The following AGAP1 variants were observed in gnomAD, a reference collection of about 807,000 sequenced individuals.
The protein encoded by AGAP1 is arf-GAP with GTPase, ANK repeat and PH domain-containing protein 1.
Under a neutral mutation model 105.3 loss-of-function variants are expected in AGAP1, and 29 were observed. The observed-to-expected ratio is 0.28, with a 90% CI of 0.21 to 0.38. The LOEUF (loss-of-function observed/expected upper bound fraction) is 0.38, where lower values mean the gene tolerates loss of function less well. Ranked by LOEUF, AGAP1 falls within the 10% of genes least tolerant of loss-of-function variation. The probability of loss-of-function intolerance (pLI) is 1.00; values close to 1 mark genes in which losing one functional copy is unlikely to be tolerated. For missense variants in AGAP1, 998 were observed against 1,165.1 expected (o/e 0.86, Z 2.09); for synonymous variants, 509 against 485.9 (o/e 1.05, Z -0.63).
At chr2:235,710,286 C>G (rs1227932972) in intron 2 of AGAP1, among the ~76,000 whole-genome samples, 1 of 152,206 alleles carries the variant, frequency 6.6e-6, no homozygotes. Flanking sequence ...GATAGAGCAA[C>G]AAAGAACTTC....
chr2:235,860,819 G>A (rs2048898200), intron 9 of AGAP1, among the ~76,000 whole-genome samples: 1 of 152,170 alleles, frequency 6.6e-6, no homozygotes, highest in African/African-American at 2.4e-5. Context: ...CAATTAGCAT[G>A]TATAAAAATA....
intron 1 of AGAP1, among the ~76,000 whole-genome samples, chr2:235,652,614 G>A (rs937260751): frequency 7.2e-5 from 11 of 152,244 alleles, no homozygotes; most frequent in Middle Eastern, 3.4e-3. Context: ...ATCCTAGGCC[G>A]GGTGCGGTGG....
intron 13 of AGAP1, among the ~76,000 whole-genome samples, chr2:235,999,580 ATGGTGGTGATGATGGTGAGAGGTGGTGG>A (rs1452082443): frequency 1.4e-5 from 2 of 143,500 alleles, no homozygotes; most frequent in African/African-American, 5.3e-5. Flanking sequence ...CCAATATGAT[ATGGTGGTGATGATGGTGAGAGGTGGTGG>A]TGGTGGTGAT....
At chr2:235,980,973 A>AT (rs753918254) in intron 13 of AGAP1, among the ~76,000 whole-genome samples, 3 of 152,136 alleles carry the variant, frequency 2.0e-5, no homozygotes, top group Non-Finnish European at 4.4e-5. Flanking sequence ...ATAAACCAAG[A>AT]TTTTTTGCCT....
rs148785561 is a variant in AGAP1, at chr2:235,662,464, A to G, written c.164-46715A>G. Among the ~76,000 whole-genome samples the G allele has an allele frequency of 2.0e-3, 309 of 151,656 alleles. 4 individuals carry two copies. Among genetic ancestry groups the G allele is most frequent in the African/African-American group, 7.2e-3 (299 of 41,278 alleles). ...GTAATGTAGATTGTGTGGCCATCCCAATTTAGTTTATCATTCCCCTACTTG... is the reference window on the plus strand; with the variant it reads ...GTAATGTAGATTGTGTGGCCATCCCGATTTAGTTTATCATTCCCCTACTTG... On this transcript the variant is annotated intron_variant, in intron 1 of 17. Coordinates refer to ENST00000304032, the MANE Select transcript of AGAP1 (RefSeq NM_001037131.3). This position sits in a 1 kb window ranked among gnomAD's most constrained non-coding sequence, Gnocchi z 4.2.
At position 236,076,099 on chromosome 2, in the gene AGAP1, A is replaced by C. The variant is rs903716278; in HGVS notation, c.2114+26818A>C. ...AGTCCTCCTTCAGAGACACCCCTCA[A>C]TCAGATCTAGGAATTGAAAGTCAGA... On this transcript the variant is annotated intron_variant, in intron 16 of 17. Coordinates refer to ENST00000304032, the MANE Select transcript of AGAP1 (RefSeq NM_001037131.3). This position sits in a 1 kb window ranked among gnomAD's most constrained non-coding sequence, Gnocchi z 4.4. Among the ~76,000 whole-genome samples the C allele has an allele frequency of 3.3e-5, 5 of 152,170 alleles. No homozygotes were observed. The highest frequency in any genetic ancestry group is 7.3e-5 in the Non-Finnish European group (5 of 68,030).
Position 235,615,430 on chromosome 2 carries a change from A to C in AGAP1, c.164-93749A>C, listed in dbSNP as rs1946277142. 6.6e-6 allele frequency among the ~76,000 whole-genome samples: 1 copy of C among 151,932 alleles called. No individual in the cohort carries two copies. Among genetic ancestry groups the C allele is most frequent in the African/African-American group, 2.4e-5 (1 of 41,360 alleles). On this transcript the variant is annotated intron_variant, in intron 1 of 17. Transcript: ENST00000304032. This position sits in a 1 kb window ranked among gnomAD's most constrained non-coding sequence, Gnocchi z 5.0. Reference sequence around the variant, plus strand: ...CCATTCTTTACTCACAGCCTGAGCTATTTTTTTTCAAAGCATTATCTCTCT... The same window carrying C: ...CCATTCTTTACTCACAGCCTGAGCTCTTTTTTTTCAAAGCATTATCTCTCT...
At chr2:235,678,488 TCTC>T (rs1948877793) in intron 1 of AGAP1, among the ~76,000 whole-genome samples, 2 of 152,154 alleles carry the variant, frequency 1.3e-5, no homozygotes, top group Non-Finnish European at 2.9e-5. Flanking sequence ...GAAGCTGGCT[TCTC>T]CTATCACTGG....
In AGAP1 at chr2:236,113,556, C is replaced by T. The variant is rs1162871302; in HGVS notation, c.2115-6636C>T. On this transcript the variant is annotated intron_variant, in intron 16 of 17. Transcript: ENST00000304032. This position sits in a 1 kb window ranked among gnomAD's most constrained non-coding sequence, Gnocchi z 4.3. ...TGCTCCGGTTACATGGAGATTACAC[C>T]TTGCCAGCTGAGTCATGCAGTGGAT... is the stretch of plus-strand genomic sequence containing the variant. 1.3e-5 allele frequency among the ~76,000 whole-genome samples: 2 copies of T among 152,190 alleles called. No individual in the cohort carries two copies. The highest frequency in any genetic ancestry group is 1.9e-4 in the East Asian group (1 of 5,200).
chr2:235,590,678 T>TGTGC (rs1372327099), intron 1 of AGAP1, among the ~76,000 whole-genome samples: 3,385 of 106,484 alleles, frequency 0.032, 123 homozygotes, highest in African/African-American at 0.083. Flanking sequence ...TGTGTGTGTG[T>TGTGC]GTGTGTGCGT....
chr2:236,098,468 G>A (rs2059249612), intron 16 of AGAP1, among the ~76,000 whole-genome samples: 1 of 151,928 alleles, frequency 6.6e-6, no homozygotes, highest in African/African-American at 2.4e-5. Context: ...TACCAGGGAG[G>A]CAGAGACACG....
At position 235,744,824 on chromosome 2, in the gene AGAP1, C is replaced by T. The variant is rs913594838; in HGVS notation, c.523C>T (p.Leu175=). ...YRNTSEIPLV[L]VGTQDAISSA... Reference sequence around the variant, plus strand: ...GAACACGAGCGAGATTCCTCTGGTTCTGGTGGGAACCCAGGGTGAGTGATG... The same window carrying T: ...GAACACGAGCGAGATTCCTCTGGTTTTGGTGGGAACCCAGGGTGAGTGATG... Residue 175 remains leucine (L), a synonymous_variant, in exon 5 of 18, where the codon CTG becomes TTG. Coordinates refer to ENST00000304032, the MANE Select transcript of AGAP1 (RefSeq NM_001037131.3). This position sits in a 1 kb window ranked among gnomAD's most constrained non-coding sequence, Gnocchi z 5.2. 5.0e-6 allele frequency: 8 copies of T among 1,613,876 alleles called. No homozygotes were observed. The highest frequency in any genetic ancestry group is 5.9e-6 in the Non-Finnish European group (7 of 1,180,016).
Position 235,643,702 on chromosome 2 carries a change from T to C in AGAP1, c.164-65477T>C, listed in dbSNP as rs571128874. Among the ~76,000 whole-genome samples, 4 of 152,018 alleles carry C rather than the reference T, an allele frequency of 2.6e-5. No individual in the cohort carries two copies. In the South Asian group the frequency reaches 8.3e-4, roughly 32 times the overall value. ...GCAGGGGCCAAGTGAGATAACCGTATCTAGTATATCCATCTGAGCAAAACC... is the reference window on the plus strand; with the variant it reads ...GCAGGGGCCAAGTGAGATAACCGTACCTAGTATATCCATCTGAGCAAAACC... On this transcript the variant is annotated intron_variant, in intron 1 of 17. Coordinates refer to ENST00000304032, the MANE Select transcript of AGAP1 (RefSeq NM_001037131.3).
At chr2:235,836,179 G>A (rs1269208217) in intron 9 of AGAP1, among the ~76,000 whole-genome samples, 4 of 152,330 alleles carry the variant, frequency 2.6e-5, no homozygotes, top group Admixed American at 6.5e-5. Flanking sequence ...AAACTGAACA[G>A]CACAGGTCTA....
intron 9 of AGAP1, among the ~76,000 whole-genome samples, chr2:235,813,506 G>A (rs1057508864): frequency 2.6e-5 from 4 of 152,188 alleles, no homozygotes; most frequent in African/African-American, 9.6e-5. Flanking sequence ...TATCTCCCTC[G>A]CAGGGCATGT....
At chr2:235,796,860 G>A (rs1308490530) in intron 6 of AGAP1, among the ~76,000 whole-genome samples, 2 of 152,182 alleles carry the variant, frequency 1.3e-5, no homozygotes, top group African/African-American at 4.8e-5. Context: ...AATCAAAAGT[G>A]TAGTTATTCT....
rs1312295053 is a variant in AGAP1, at chr2:235,982,610, A to C, written c.1645+13987A>C. 6.6e-6 allele frequency among the ~76,000 whole-genome samples: 1 copy of C among 152,220 alleles called. No individual in the cohort carries two copies. The highest frequency in any genetic ancestry group is 1.5e-5 in the Non-Finnish European group (1 of 68,034). On this transcript the variant is annotated intron_variant, in intron 13 of 17. Transcript: ENST00000304032. The surrounding 1 kb of genome is among the most constrained non-coding windows in gnomAD (Gnocchi z 4.9). ...CTGCTCTCCCAGGCTCATTGAAGGA[A>C]CATAGAGAAGGTTTAGGCCCTGTTT...
intron 2 of AGAP1, among the ~76,000 whole-genome samples, chr2:235,717,045 C>T (rs1197158748): frequency 6.6e-6 from 1 of 152,054 alleles, no homozygotes; most frequent in Non-Finnish European, 1.5e-5. Context: ...CTGCCTTGCT[C>T]CTCCACCCCC....
chr2:236,050,621 T>C lies in AGAP1; in HGVS notation c.2114+1340T>C, dbSNP rs2057869327. Among the ~76,000 whole-genome samples the C allele has an allele frequency of 6.6e-6, 1 of 152,098 alleles. No individual in the cohort carries two copies. Among genetic ancestry groups the C allele is most frequent in the Admixed American group, 6.5e-5 (1 of 15,268 alleles). ...ATATCTATTTTTTCACAGATAATGA[T>C]AACATTGGAGGAAACTTGGGTCTGA... On this transcript the variant is annotated intron_variant, in intron 16 of 17. Coordinates refer to ENST00000304032, the MANE Select transcript of AGAP1 (RefSeq NM_001037131.3). This position sits in a 1 kb window ranked among gnomAD's most constrained non-coding sequence, Gnocchi z 4.0.
Sources: allele counts gnomAD v4.1 joint callset (sites outside exome capture counted in the v4.1 genomes callset), GRCh38; gene constraint gnomAD v4.1.1; non-coding constraint Gnocchi (gnomAD v3.1); transcripts MANE v1.5; gene names NCBI Gene and HGNC (gene_info 2026-07-23, HGNC 2026-07-21).